The following TUBGCP4 variants were observed in gnomAD, a reference collection of about 807,000 sequenced individuals.
TUBGCP4 encodes gamma-tubulin complex component 4.
A neutral mutation model predicts 91.6 loss-of-function variants in TUBGCP4; 54 were observed. The observed-to-expected ratio is 0.59, with a 90% CI of 0.47 to 0.74. TUBGCP4 has a LOEUF of 0.74. Ranked by LOEUF, TUBGCP4 falls within the 30% of genes least tolerant of loss-of-function variation. The probability of loss-of-function intolerance (pLI) is 0.00; values close to 1 mark genes in which losing one functional copy is unlikely to be tolerated. For synonymous variants in TUBGCP4, 297 were observed against 302.8 expected, an observed-to-expected ratio of 0.98 and a Z score of 0.20; for missense variants, 593 against 800.9, an observed-to-expected ratio of 0.74 and a Z score of 3.13.
intron 9 of TUBGCP4, among the ~76,000 whole-genome samples, chr15:43,387,880 G>A (rs1595487635): frequency 6.6e-6 from 1 of 152,092 alleles, no homozygotes; most frequent in East Asian, 1.9e-4. Flanking sequence ...ACAGGGTCTT[G>A]CTTTGTCACC....
At position 43,408,481 on chromosome 15, in the gene TUBGCP4, A is replaced by T. The variant is rs2044996349; in HGVS notation, c.*3267A>T. 1 of 259,426 alleles carries T rather than the reference A, an allele frequency of 3.9e-6. No homozygotes were observed. The highest frequency in any genetic ancestry group is 5.0e-5 in the Admixed American group (1 of 20,056). 16.1% of individuals were successfully genotyped at this position (259,426 alleles called of 1,614,324 possible). A position where few individuals can be genotyped will look rare whatever the true frequency, so the allele number is the denominator to read the frequency against. On this transcript the variant is annotated 3_prime_UTR_variant, in exon 18 of 18. Coordinates refer to ENST00000564079, the MANE Select transcript of TUBGCP4 (RefSeq NM_014444.5). ...AGGTGACAGAGCAAGACTTCATCTT[A>T]AAAAACTAAGCCCTATATTAGGGTC...
At chr15:43,372,069 G>A (rs1328404539) in intron 1 of TUBGCP4, among the ~76,000 whole-genome samples, 1 of 152,156 alleles carries the variant, frequency 6.6e-6, no homozygotes, top group East Asian at 1.9e-4. Context: ...AATTAACAGA[G>A]CTTAGTTTTG....
In TUBGCP4 at chr15:43,405,229, TAAATTG is replaced by T; in HGVS notation, c.*20_*25del. The T allele has an allele frequency of 3.1e-6, 5 of 1,614,046 alleles. No homozygotes were observed. Among genetic ancestry groups the T allele is most frequent in the Non-Finnish European group, 4.2e-6 (5 of 1,179,912 alleles). ...TCGGGATGTGAAAATTTCTGGCTCA[TAAATTG>T]AAATAACAGCCACGTTCCCAAGGTT... On this transcript the variant is annotated 3_prime_UTR_variant, in exon 18 of 18. Coordinates refer to ENST00000564079, the MANE Select transcript of TUBGCP4 (RefSeq NM_014444.5).
At chr15:43,398,400 T>A (rs1194413611) in intron 13 of TUBGCP4, 26 of 351,656 alleles carry the variant, frequency 7.4e-5, no homozygotes, top group Non-Finnish European at 1.0e-4. Flanking sequence ...AAAAAAAAAA[T>A]TAATGGGAGC....
At position 43,409,671 on chromosome 15, in the gene TUBGCP4, G is replaced by A. The variant is rs2045046698; in HGVS notation, c.*4457G>A. Reference sequence around the variant, plus strand: ...CCTGGGCTTCATTGAAATCTTCAAGGATATAGCCAGCTCCTGCTCGAAGCT... The same window carrying A: ...CCTGGGCTTCATTGAAATCTTCAAGAATATAGCCAGCTCCTGCTCGAAGCT... On this transcript the variant is annotated 3_prime_UTR_variant, in exon 18 of 18. Coordinates refer to ENST00000564079, the MANE Select transcript of TUBGCP4 (RefSeq NM_014444.5). 1.3e-6 allele frequency: 2 copies of A among 1,568,420 alleles called. No individual in the cohort carries two copies. Among genetic ancestry groups the A allele is most frequent in the Non-Finnish European group, 1.7e-6 (2 of 1,159,720 alleles).
At chr15:43,404,800 T>A (rs185383108) in intron 17 of TUBGCP4, 1 of 515,436 alleles carries the variant, frequency 1.9e-6, no homozygotes, top group Non-Finnish European at 3.4e-6. Flanking sequence ...AGGTTATGTA[T>A]TGCTATGCTG....
intron 15 of TUBGCP4, 130 bp from the exon 16 acceptor site, chr15:43,403,553 G>A: frequency 1.4e-6 from 1 of 695,874 alleles, no homozygotes; most frequent in South Asian, 1.9e-5. Context: ...ACGTGGCAGT[G>A]TCTATCCTGT....
intron 1 of TUBGCP4, among the ~76,000 whole-genome samples, chr15:43,375,162 C>G (rs531866409): frequency 2.6e-5 from 4 of 152,232 alleles, no homozygotes; most frequent in Non-Finnish European, 4.4e-5. Context: ...CTCGGCCTCC[C>G]GAAATGCTGG....
At position 43,386,271 on chromosome 15, in the gene TUBGCP4, C is replaced by G; in HGVS notation, c.955C>G (p.Leu319Val). Residue 319 changes from leucine to valine, a missense_variant, in exon 9 of 18, where the codon CTC (leucine) becomes GTC (valine). Transcript: ENST00000564079. ...AELHRLKQQP[L>V]FSLVDFEQVV... ...GCTGCACCGTCTCAAGCAGCAGCCA[C>G]TCTTCAGCTTGGTGGACTTTGAACA... 1 of 1,600,038 alleles carries G rather than the reference C, an allele frequency of 6.2e-7. No homozygotes were observed. Among genetic ancestry groups the G allele is most frequent in the Non-Finnish European group, 8.5e-7 (1 of 1,175,042 alleles).
Position 43,408,302 on chromosome 15 carries a change from A to C in TUBGCP4, c.*3088A>C. On this transcript the variant is annotated 3_prime_UTR_variant, in exon 18 of 18. Coordinates refer to ENST00000564079, the MANE Select transcript of TUBGCP4 (RefSeq NM_014444.5). ...AGACCAGCCTGGGCAATGTGGTGAGACCCCATCTCTACAAAAGACAACAAA... is the reference window on the plus strand; with the variant it reads ...AGACCAGCCTGGGCAATGTGGTGAGCCCCCATCTCTACAAAAGACAACAAA... The C allele has an allele frequency of 2.0e-6, 1 of 496,402 alleles. No homozygotes were observed. The highest frequency in any genetic ancestry group is 3.6e-5 in the East Asian group (1 of 27,722). 30.7% of individuals were successfully genotyped at this position (496,402 alleles called of 1,614,324 possible).
intron 14 of TUBGCP4, 84 bp downstream of exon 14, chr15:43,400,305 G>A: frequency 9.2e-7 from 1 of 1,092,666 alleles, no homozygotes; most frequent in South Asian, 2.0e-5. Flanking sequence ...GGGACTACAA[G>A]TTTCTATTTG....
At position 43,403,591 on chromosome 15, in the gene TUBGCP4, G is replaced by C. The variant is rs146321531; in HGVS notation, c.1732-92G>C. The stretch of plus-strand genomic sequence containing the variant: ...GATTTGGGAGGTCAGCTATTAATTA[G>C]ATCAGCTATTAATCAGACTGTTCTC... On this transcript the variant is annotated intron_variant, in intron 15 of 17. Coordinates refer to ENST00000564079, the MANE Select transcript of TUBGCP4 (RefSeq NM_014444.5). 3.1e-4 allele frequency: 290 copies of C among 932,894 alleles called. 3 individuals are homozygous for C. The East Asian group carries it at 6.6e-3, about 21-fold the overall frequency. The allele number at this position is 932,894 out of a possible 1,614,324, so 57.8% of individuals were successfully genotyped here.
rs1343804975 is a variant in TUBGCP4 at position 43,381,015 on chromosome 15, C to T, written c.521+852C>T. On this transcript the variant is annotated intron_variant, in intron 6 of 17. Transcript: ENST00000564079. ...AGAGAGAAGGCTTTGCTATGTTGCC[C>T]AGGCTGGTCTCGAACTCCTAGGCTC... Among the ~76,000 whole-genome samples the T allele has an allele frequency of 4.6e-5, 7 of 151,798 alleles. No individual in the cohort carries two copies. In the East Asian group the frequency reaches 5.8e-4, roughly 13 times the overall value.
chr15:43,383,565 AATGATCTTCT>A, intron 7 of TUBGCP4, 61 bp downstream of exon 7: 1 of 1,443,168 alleles, frequency 6.9e-7, no homozygotes, highest in Non-Finnish European at 9.3e-7. Flanking sequence ...CATGCACACA[AATGATCTTCT>A]GGTGATCCCT....
Position 43,406,776 on chromosome 15 carries a change from T to TTATC in TUBGCP4, c.*1564_*1567dup, listed in dbSNP as rs1471400421. On this transcript the variant is annotated 3_prime_UTR_variant, in exon 18 of 18. Transcript: ENST00000564079. ...GTGTTCTCACTTGTGCTTCCCATGT[T>TTATC]TATCTTACGGAAGGTCATTCCATCA... 1 of 356,044 alleles carries TTATC rather than the reference T, an allele frequency of 2.8e-6. No individual in the cohort carries two copies. 22.1% of individuals were successfully genotyped at this position (356,044 alleles called of 1,614,324 possible).
intron 17 of TUBGCP4, 66 bp downstream of exon 17, chr15:43,404,618 C>A: frequency 6.4e-7 from 1 of 1,552,004 alleles, no homozygotes; most frequent in Non-Finnish European, 8.8e-7. Flanking sequence ...TTGTAGAATT[C>A]TAGAACTGGA....
chr15:43,392,737 G>T (rs2044498252), intron 9 of TUBGCP4, among the ~76,000 whole-genome samples: 1 of 152,126 alleles, frequency 6.6e-6, no homozygotes, highest in Non-Finnish European at 1.5e-5. Context: ...GAGCTCAAGT[G>T]ATCTGCCCGC....
At position 43,408,859 on chromosome 15, in the gene TUBGCP4, C is replaced by T; in HGVS notation, c.*3645C>T. ...TCTTCCCTCCAAAGCTTGCTGTCCTCCTGCCTATACAATTCTGGATGGGCT... is the reference window on the plus strand; with the variant it reads ...TCTTCCCTCCAAAGCTTGCTGTCCTTCTGCCTATACAATTCTGGATGGGCT... On this transcript the variant is annotated 3_prime_UTR_variant, in exon 18 of 18. Coordinates refer to ENST00000564079, the MANE Select transcript of TUBGCP4 (RefSeq NM_014444.5). 6.3e-7 allele frequency: 1 copy of T among 1,599,210 alleles called. No homozygotes were observed.
intron 3 of TUBGCP4, 50 bp from the exon 4 acceptor site, chr15:43,376,964 G>T (rs776628776): frequency 4.8e-5 from 69 of 1,442,924 alleles, no homozygotes; most frequent in Non-Finnish European, 6.5e-5. Context: ...AGATCAAATA[G>T]ATTTGAGATA....
Sources: gnomAD v4.1 joint callset for allele counts (sites outside exome capture counted in the v4.1 genomes callset) on GRCh38, gnomAD v4.1.1 for gene constraint, MANE v1.5 for transcripts, NCBI Gene and HGNC (gene_info 2026-07-23, HGNC 2026-07-21) for gene names.